Variants in RPTOR observed in about 807,000 individuals in gnomAD.
RPTOR encodes regulatory associated protein of MTOR complex 1.
A neutral mutation model predicts 169.9 loss-of-function variants in RPTOR; 21 were observed. The ratio of observed to expected loss-of-function variants is 0.12; its 90% confidence interval spans 0.09 to 0.18. RPTOR has a LOEUF of 0.18. Ranked by LOEUF, RPTOR falls within the 10% of genes least tolerant of loss-of-function variation. The pLI, the probability that RPTOR is intolerant of heterozygous loss-of-function variation, is 1.00. For synonymous variants in RPTOR, 732 were observed against 753.2 expected, an observed-to-expected ratio of 0.97 and a Z score of 0.46; for missense variants, 1,133 against 1,855.9, an observed-to-expected ratio of 0.61 and a Z score of 7.16.
intron 28 of RPTOR, among the ~76,000 whole-genome samples, chr17:80,954,184 G>A (rs1013829593): frequency 2.0e-5 from 3 of 151,178 alleles, no homozygotes; most frequent in South Asian, 4.2e-4. Flanking sequence ...GTACAATGGC[G>A]GATCTTGGCT....
At position 80,965,698 on chromosome 17, in the gene RPTOR, T is replaced by A. The variant is rs2069419132; in HGVS notation, c.*1368T>A. 1 of 233,168 alleles carries A rather than the reference T, an allele frequency of 4.3e-6. No individual in the cohort carries two copies. Among genetic ancestry groups the A allele is most frequent in the South Asian group, 1.8e-4 (1 of 5,528 alleles). The allele number at this position is 233,168 out of a possible 1,614,324, so 14.4% of individuals were successfully genotyped here. On this transcript the variant is annotated 3_prime_UTR_variant, in exon 34 of 34. Transcript: ENST00000306801. Reference sequence around the variant, plus strand: ...GCCTGCCGTGGCCAAGAGCATCTTCTGGGTGGATGGAACCCTGCCTGGTCA... The same window carrying A: ...GCCTGCCGTGGCCAAGAGCATCTTCAGGGTGGATGGAACCCTGCCTGGTCA...
At chr17:80,765,338 G>C (rs1426607219) in intron 6 of RPTOR, among the ~76,000 whole-genome samples, 1 of 152,150 alleles carries the variant, frequency 6.6e-6, no homozygotes, top group African/African-American at 2.4e-5. Context: ...TTTGGGAGGT[G>C]AGTGCTTCAT....
chr17:80,584,142 G>T (rs2065040121), intron 1 of RPTOR, among the ~76,000 whole-genome samples: 1 of 152,186 alleles, frequency 6.6e-6, no homozygotes. Flanking sequence ...CTTTTATCTT[G>T]AGTGTTGTCA....
Position 80,648,135 on chromosome 17 carries a change from T to C in RPTOR, c.348+4325T>C, listed in dbSNP as rs190972123. On this transcript the variant is annotated intron_variant, in intron 3 of 33. Coordinates refer to ENST00000306801, the MANE Select transcript of RPTOR (RefSeq NM_020761.3). ...CCCAGTAGAAATTGTTATTGCATTT[T>C]AATGTAAATGACAGTCATCCTTTCG... 3.1e-3 allele frequency among the ~76,000 whole-genome samples: 469 copies of C among 152,292 alleles called. 2 individuals carry two copies. Among genetic ancestry groups the C allele is most frequent in the African/African-American group, 0.01 (424 of 41,562 alleles).
At chr17:80,743,970 GC>G (rs1314660144) in intron 5 of RPTOR, among the ~76,000 whole-genome samples, 1 of 38,974 alleles carries the variant, frequency 2.6e-5, no homozygotes, top group Non-Finnish European at 6.2e-5. Flanking sequence ...CACAGCCCTG[GC>G]TACTAGCACT....
chr17:80,831,134 G>A (rs55903842), intron 9 of RPTOR, among the ~76,000 whole-genome samples: 5,534 of 152,212 alleles, frequency 0.036, 148 homozygotes, highest in East Asian at 0.07. Context: ...TCCCAAATGC[G>A]CTACACAATT....
chr17:80,771,588 G>T (rs925155816), intron 6 of RPTOR, among the ~76,000 whole-genome samples: 2 of 151,928 alleles, frequency 1.3e-5, no homozygotes, highest in African/African-American at 4.8e-5. Flanking sequence ...CCAGCCCCAG[G>T]TGTTTACCCT....
At chr17:80,692,637 AT>A (rs1292344026) in intron 3 of RPTOR, among the ~76,000 whole-genome samples, 1 of 151,948 alleles carries the variant, frequency 6.6e-6, no homozygotes, top group Non-Finnish European at 1.5e-5. Flanking sequence ...ATTTATTTAT[AT>A]TTTTAGTAGT....
At chr17:80,931,104 G>A (rs1354928139) in intron 24 of RPTOR, among the ~76,000 whole-genome samples, 2 of 152,124 alleles carry the variant, frequency 1.3e-5, no homozygotes, top group Admixed American at 6.5e-5. Flanking sequence ...CAGTTCCTTC[G>A]GCCTCAAGCG....
intron 3 of RPTOR, among the ~76,000 whole-genome samples, chr17:80,664,958 C>T (rs183509792): frequency 6.6e-6 from 1 of 152,194 alleles, no homozygotes; most frequent in Non-Finnish European, 1.5e-5. Context: ...CTTTTTTCTC[C>T]CTGAGCTGCA....
chr17:80,957,777 G>A lies in RPTOR; in HGVS notation c.3477+47G>A. 3.9e-6 allele frequency: 6 copies of A among 1,545,460 alleles called. No individual in the cohort carries two copies. Among genetic ancestry groups the A allele is most frequent in the Non-Finnish European group, 5.4e-6 (6 of 1,118,596 alleles). On this transcript the variant is annotated intron_variant, in intron 29 of 33. Coordinates refer to ENST00000306801, the MANE Select transcript of RPTOR (RefSeq NM_020761.3). This position sits in a 1 kb window ranked among gnomAD's most constrained non-coding sequence, Gnocchi z 4.6. ...AAGCCCTGGGCCTGTGGGGCAGTGT[G>A]TGCAGGGCTGGTCCTCGTCACAGAA...
At chr17:80,639,834 G>A (rs2143586337) in intron 2 of RPTOR, among the ~76,000 whole-genome samples, 1 of 152,268 alleles carries the variant, frequency 6.6e-6, no homozygotes, top group East Asian at 1.9e-4. Flanking sequence ...TGGATAGGAT[G>A]GGTAATCAAA....
At position 80,947,730 on chromosome 17, in the gene RPTOR, G is replaced by A. The variant is rs2069120330; in HGVS notation, c.3265+379G>A. 6.6e-6 allele frequency among the ~76,000 whole-genome samples: 1 copy of A among 152,152 alleles called. No homozygotes were observed. ...CACAACACGTGCCAGGTCCTCCCCGGCCAGGGTCTCCTGGCATCGCTGGCT... is the reference window on the plus strand; with the variant it reads ...CACAACACGTGCCAGGTCCTCCCCGACCAGGGTCTCCTGGCATCGCTGGCT... On this transcript the variant is annotated intron_variant, in intron 27 of 33. Coordinates refer to ENST00000306801, the MANE Select transcript of RPTOR (RefSeq NM_020761.3). This position sits in a 1 kb window ranked among gnomAD's most constrained non-coding sequence, Gnocchi z 4.4.
chr17:80,739,157 G>A (rs901921719), intron 5 of RPTOR, among the ~76,000 whole-genome samples: 1 of 152,230 alleles, frequency 6.6e-6, no homozygotes, highest in South Asian at 2.1e-4. Context: ...CCGCCACCAC[G>A]GAGGCCGAGG....
chr17:80,714,983 A>G (rs1022587571), intron 4 of RPTOR, among the ~76,000 whole-genome samples: 10 of 152,360 alleles, frequency 6.6e-5, no homozygotes, highest in Non-Finnish European at 1.0e-4. Context: ...TTGGCCTCCC[A>G]AAGTGCTGGG....
At chr17:80,930,474 C>G (rs368540054) in intron 24 of RPTOR, among the ~76,000 whole-genome samples, 3 of 52,658 alleles carry the variant, frequency 5.7e-5, no homozygotes, top group East Asian at 8.1e-4. Flanking sequence ...TCATCCCCAG[C>G]TCATCCCCAG....
At chr17:80,709,570 G>T (rs903743727) in intron 4 of RPTOR, among the ~76,000 whole-genome samples, 1 of 152,228 alleles carries the variant, frequency 6.6e-6, no homozygotes, top group Non-Finnish European at 1.5e-5. Context: ...TCCCACATTC[G>T]CTGTCCCCTG....
intron 25 of RPTOR, among the ~76,000 whole-genome samples, chr17:80,944,750 A>T (rs1598416002): frequency 6.6e-6 from 1 of 152,084 alleles, no homozygotes; most frequent in East Asian, 1.9e-4. Context: ...CAGCACTTTG[A>T]GAAGCCAAGG....
chr17:80,933,763 A>T (rs762748318), intron 24 of RPTOR, among the ~76,000 whole-genome samples: 6 of 152,276 alleles, frequency 3.9e-5, no homozygotes, highest in Non-Finnish European at 5.9e-5. Context: ...GAGCAGACAT[A>T]TAGGTCAATG....
Sources: allele counts gnomAD v4.1 joint callset (sites outside exome capture counted in the v4.1 genomes callset), GRCh38; gene constraint gnomAD v4.1.1; non-coding constraint Gnocchi (gnomAD v3.1); transcripts MANE v1.5; gene names NCBI Gene and HGNC (gene_info 2026-07-23, HGNC 2026-07-21).